DCDC1: variants seen among roughly 807,000 people sequenced by gnomAD.
DCDC1 encodes doublecortin domain-containing protein 1.
A neutral mutation model predicts 178.3 loss-of-function variants in DCDC1; 200 were observed. The observed-to-expected ratio is 1.12, with a 90% CI of 1.00 to 1.26. The LOEUF is 1.26. DCDC1 is among the 50% of genes most tolerant of loss of function. The pLI is 0.00. For synonymous variants in DCDC1, 690 were observed against 604.8 expected (o/e 1.14, Z -2.07); for missense variants, 1,983 against 1,749.2 (o/e 1.13, Z -2.38).
chr11:31,048,923 C>T (rs1955060415), intron 20 of DCDC1, among the ~76,000 whole-genome samples: 1 of 152,108 alleles, frequency 6.6e-6, no homozygotes, highest in African/African-American at 2.4e-5. Flanking sequence ...AAAATGGCTA[C>T]ATATACTATA....
rs2137593566 is a variant in DCDC1 at position 31,306,280 on chromosome 11, A to G, written c.543T>C (p.Asn181=). The G allele has an allele frequency of 6.2e-7, 1 of 1,610,042 alleles. No homozygotes were observed. Among genetic ancestry groups the G allele is most frequent in the Middle Eastern group, 1.7e-4 (1 of 6,050 alleles). ...PRVIKVTAYK[N]GSRTVFARVT... ...CTCTGGCAAAGACTGTTCTAGATCC[A>G]TTTTTGTAAGCTGTTACTTTAATCA... The change falls in exon 5 of 39, where the codon AAT becomes AAC. Residue 181 remains asparagine, a synonymous_variant. Coordinates refer to ENST00000684477, the MANE Select transcript of DCDC1 (RefSeq NM_001387274.1).
chr11:31,280,075 T>G (rs1272489574), intron 7 of DCDC1, among the ~76,000 whole-genome samples: 1 of 152,116 alleles, frequency 6.6e-6, no homozygotes, highest in African/African-American at 2.4e-5. Flanking sequence ...TGAGAAGTGT[T>G]AAATAACCTT....
chr11:31,111,996 A>G (rs889975262), intron 11 of DCDC1, among the ~76,000 whole-genome samples: 2 of 152,186 alleles, frequency 1.3e-5, no homozygotes, highest in African/African-American at 2.4e-5. Flanking sequence ...TTCTACATCC[A>G]GAAAAGTGTT....
At chr11:30,934,439 A>G (rs1182032353) in intron 21 of DCDC1, among the ~76,000 whole-genome samples, 3 of 152,154 alleles carry the variant, frequency 2.0e-5, no homozygotes, top group Non-Finnish European at 4.4e-5. Context: ...CTTGGGGTAT[A>G]TGGAGAGCTG....
At chr11:30,920,958 C>A (rs1565076779) in intron 24 of DCDC1, 23 bp from the exon 25 acceptor site, 1 of 1,595,838 alleles carries the variant, frequency 6.3e-7, no homozygotes, top group East Asian at 2.2e-5. Flanking sequence ...TCACAAATTG[C>A]AAAGACATAT....
At chr11:31,035,843 T>C (rs1953991648) in intron 20 of DCDC1, among the ~76,000 whole-genome samples, 1 of 152,270 alleles carries the variant, frequency 6.6e-6, no homozygotes, top group Non-Finnish European at 1.5e-5. Flanking sequence ...CATTTATAAC[T>C]GGAATTCTCC....
intron 36 of DCDC1, among the ~76,000 whole-genome samples, chr11:30,885,746 G>T (rs1004967512): frequency 6.6e-6 from 1 of 152,088 alleles, no homozygotes; most frequent in South Asian, 2.1e-4. Flanking sequence ...ACCTATGGGA[G>T]CATAAATTCT....
chr11:30,979,654 C>A (rs1322637778), intron 20 of DCDC1, among the ~76,000 whole-genome samples: 2 of 152,096 alleles, frequency 1.3e-5, no homozygotes, highest in African/African-American at 2.4e-5. Context: ...ACTTGTCCAG[C>A]AAGTTAAAGG....
rs747340573 is a variant in DCDC1 at position 31,307,852 on chromosome 11, T to C, written c.221A>G (p.Gln74Arg). The change falls in exon 4 of 39, where the codon CAG (glutamine) becomes CGG (arginine). Residue 74 changes from glutamine (Q) to arginine (R), a missense_variant. Coordinates refer to ENST00000684477, the MANE Select transcript of DCDC1 (RefSeq NM_001387274.1). ...AVIKTTDDYL[Q>R]SQFGPNRLVH... The stretch of plus-strand genomic sequence containing the variant: ...GAGTCTGTTGGGGCCAAACTGAGAC[T>C]GCAAATAATCATCAGTAGTTTTAAT... 1.2e-6 allele frequency: 2 copies of C among 1,614,152 alleles called. No individual in the cohort carries two copies. The highest frequency in any genetic ancestry group is 1.7e-6 in the Non-Finnish European group (2 of 1,179,994).
chr11:31,020,647 G>T (rs979790842), intron 20 of DCDC1, among the ~76,000 whole-genome samples: 6 of 152,044 alleles, frequency 3.9e-5, no homozygotes, highest in Non-Finnish European at 8.8e-5. Context: ...GTGTTGACCA[G>T]GTTGGTTTTG....
intron 10 of DCDC1, among the ~76,000 whole-genome samples, chr11:31,128,066 T>C (rs1221722328): frequency 6.6e-6 from 1 of 152,088 alleles, no homozygotes; most frequent in Non-Finnish European, 1.5e-5. Flanking sequence ...TATTTTATTA[T>C]GTGTAACATT....
At chr11:31,334,752 TG>T (rs1385579514) in intron 2 of DCDC1, among the ~76,000 whole-genome samples, 1 of 152,200 alleles carries the variant, frequency 6.6e-6, no homozygotes, top group African/African-American at 2.4e-5. Flanking sequence ...CAAATACTGC[TG>T]CCTGATCCTT....
At chr11:31,315,144 T>C (rs981399726) in intron 3 of DCDC1, among the ~76,000 whole-genome samples, 26 of 152,036 alleles carry the variant, frequency 1.7e-4, no homozygotes, top group Admixed American at 2.6e-4. Context: ...TAGTAAACCT[T>C]AGTGACTTTT....
At chr11:31,354,552 G>C (rs1951235250) in intron 1 of DCDC1, among the ~76,000 whole-genome samples, 1 of 152,194 alleles carries the variant, frequency 6.6e-6, no homozygotes, top group South Asian at 2.1e-4. Flanking sequence ...CTGGGGGCAT[G>C]AATATAGTAA....
At position 30,920,964 on chromosome 11, in the gene DCDC1, C is replaced by A. The variant is rs148173051; in HGVS notation, c.3134-29G>T. Reference sequence around the variant, plus strand: ...AGCAGAAATTCACAAATTGCAAAGACATATTACTTACAATTGCAGAGCATC... The same window carrying A: ...AGCAGAAATTCACAAATTGCAAAGAAATATTACTTACAATTGCAGAGCATC... On this transcript the variant is annotated intron_variant, in intron 24 of 38. Transcript: ENST00000684477. 118 of 1,586,604 alleles carry A rather than the reference C, an allele frequency of 7.4e-5. No individual in the cohort carries two copies. In the African/African-American group the frequency reaches 1.5e-3, roughly 20 times the overall value.
chr11:30,949,766 A>G lies in DCDC1; in HGVS notation c.2715+2679T>C, dbSNP rs188705938. 1.2e-3 allele frequency among the ~76,000 whole-genome samples: 179 copies of G among 151,874 alleles called. 1 individual carries two copies. Among genetic ancestry groups the G allele is most frequent in the African/African-American group, 3.9e-3 (162 of 41,378 alleles). On this transcript the variant is annotated intron_variant, in intron 21 of 38. Coordinates refer to ENST00000684477, the MANE Select transcript of DCDC1 (RefSeq NM_001387274.1). Reference sequence around the variant, plus strand: ...ATACTAACAGAAGAACAGAAAACCAAACACCGTATGTTCTCACTCATAAGT... The same window carrying G: ...ATACTAACAGAAGAACAGAAAACCAGACACCGTATGTTCTCACTCATAAGT...
chr11:31,339,118 T>C (rs916322421), intron 1 of DCDC1, among the ~76,000 whole-genome samples: 3 of 152,172 alleles, frequency 2.0e-5, no homozygotes, highest in Admixed American at 6.5e-5. Context: ...CTTTTTTCCA[T>C]TTCCCAAAGT....
intron 17 of DCDC1, among the ~76,000 whole-genome samples, chr11:31,082,673 CAT>C (rs1205226231): frequency 3.3e-5 from 5 of 151,930 alleles, no homozygotes; most frequent in East Asian, 1.9e-4. Context: ...TACATTTACA[CAT>C]ATATATGTGT....
At chr11:31,304,863 T>C (rs1041818228) in intron 6 of DCDC1, among the ~76,000 whole-genome samples, 2 of 152,134 alleles carry the variant, frequency 1.3e-5, no homozygotes, top group East Asian at 1.9e-4. Context: ...TTATCATACA[T>C]AGCACTAGAT....
Sources: gnomAD v4.1 joint callset for allele counts (sites outside exome capture counted in the v4.1 genomes callset) on GRCh38, gnomAD v4.1.1 for gene constraint, MANE v1.5 for transcripts, NCBI Gene and HGNC (gene_info 2026-07-23, HGNC 2026-07-21) for gene names.